TDRD9: variants seen among roughly 807,000 people sequenced by gnomAD.
The protein encoded by TDRD9 is ATP-dependent RNA helicase TDRD9.
A neutral mutation model predicts 172.6 loss-of-function variants in TDRD9; 124 were observed. The observed-to-expected ratio is 0.72, with a 90% CI of 0.62 to 0.83. The LOEUF (loss-of-function observed/expected upper bound fraction) is 0.83, where lower values mean the gene tolerates loss of function less well. Ranked by LOEUF, TDRD9 falls within the 40% of genes least tolerant of loss-of-function variation. The pLI is 0.00. For synonymous variants in TDRD9, 619 were observed against 617.1 expected (o/e 1.00, Z -0.05); for missense variants, 1,479 against 1,714.1 (o/e 0.86, Z 2.42).
intron 8 of TDRD9, among the ~76,000 whole-genome samples, chr14:103,989,962 T>G (rs184036038): frequency 8.7e-4 from 132 of 152,374 alleles, no homozygotes; most frequent in African/African-American, 3.0e-3. Flanking sequence ...ATTATCAGTC[T>G]TGCCATTTCC....
chr14:103,958,717 A>G (rs898557043), intron 2 of TDRD9, among the ~76,000 whole-genome samples: 9 of 152,244 alleles, frequency 5.9e-5, no homozygotes, highest in Non-Finnish European at 1.3e-4. Context: ...TCTTCTTTAC[A>G]GAGCCTCCGG....
chr14:103,994,640 G>C (rs1566767511), intron 11 of TDRD9, 37 bp downstream of exon 11: 5 of 1,567,540 alleles, frequency 3.2e-6, no homozygotes, highest in Non-Finnish European at 4.4e-6. Context: ...AAGCACTTTA[G>C]GTAAATTTTC....
intron 1 of TDRD9, chr14:103,940,739 A>C (rs1021222104): frequency 9.2e-7 from 1 of 1,090,808 alleles, no homozygotes; most frequent in Admixed American, 2.4e-5. Context: ...AAGTCACATC[A>C]CTTTTTCTTA....
At chr14:104,037,691 C>T (rs111561738) in intron 32 of TDRD9, among the ~76,000 whole-genome samples, 9 of 152,176 alleles carry the variant, frequency 5.9e-5, no homozygotes, top group African/African-American at 1.9e-4. Flanking sequence ...GACCTAGCTG[C>T]CATTTGTCTC....
chr14:103,963,219 A>T (rs1342345966), intron 3 of TDRD9, 43 bp downstream of exon 3: 2 of 1,354,070 alleles, frequency 1.5e-6, no homozygotes, highest in Non-Finnish European at 2.0e-6. Flanking sequence ...GTTTGAATAC[A>T]TGTCTGAGGC....
intron 5 of TDRD9, among the ~76,000 whole-genome samples, chr14:103,969,340 G>A (rs988487070): frequency 1.3e-5 from 2 of 152,006 alleles, no homozygotes; most frequent in African/African-American, 4.8e-5. Context: ...AAGATGATGG[G>A]TGTGTGAACT....
At chr14:103,970,343 A>G (rs944796055) in intron 5 of TDRD9, among the ~76,000 whole-genome samples, 198 bp from the exon 6 acceptor site, 1 of 152,112 alleles carries the variant, frequency 6.6e-6, no homozygotes, top group Non-Finnish European at 1.5e-5. Context: ...GGGGGCCGTG[A>G]CTGAGTGGGT....
chr14:104,010,297 C>T (rs2034574021), intron 20 of TDRD9, among the ~76,000 whole-genome samples: 1 of 151,834 alleles, frequency 6.6e-6, no homozygotes, highest in Non-Finnish European at 1.5e-5. Flanking sequence ...CACTTTGTAG[C>T]CCAGACTGGT....
intron 1 of TDRD9, among the ~76,000 whole-genome samples, chr14:103,950,355 G>T (rs1011147679): frequency 4.6e-5 from 7 of 152,140 alleles, no homozygotes; most frequent in African/African-American, 9.7e-5. Context: ...CTCCCAAAGT[G>T]CTGGGATTAC....
intron 24 of TDRD9, among the ~76,000 whole-genome samples, chr14:104,024,155 C>T (rs995024142): frequency 6.6e-6 from 1 of 151,982 alleles, no homozygotes; most frequent in Non-Finnish European, 1.5e-5. Context: ...TTGAGCCAAG[C>T]GTGGATTCTT....
Position 104,026,724 on chromosome 14 carries a change from C to T in TDRD9, c.3067C>T (p.Leu1023Phe). 6.2e-7 allele frequency: 1 copy of T among 1,613,996 alleles called. No homozygotes were observed. Among genetic ancestry groups the T allele is most frequent in the South Asian group, 1.1e-5 (1 of 91,070 alleles). The change falls in exon 28 of 36, where the codon CTT (leucine) becomes TTT (phenylalanine). Residue 1023 changes from leucine (L) to phenylalanine (F), a missense_variant. Transcript: ENST00000409874. ...CAAAATGAGACCATCAGCAAAGTCT[C>T]TTGTTTGTGGCAAGCACTGGAGTGA... ...ICKMRPSAKS[L>F]VCGKHWSDGA... is the part of the protein sequence containing the mutation.
intron 23 of TDRD9, among the ~76,000 whole-genome samples, chr14:104,019,188 T>C (rs4906404): frequency 0.94 from 143,768 of 152,266 alleles, 68,419 homozygotes; most frequent in East Asian, 1. Flanking sequence ...AGTGTGCGTC[T>C]GCTTACCTGG....
In TDRD9 at chr14:103,928,513, C is replaced by G. The variant is rs9324066; in HGVS notation, c.4C>G (p.Leu2Val). 9.1e-6 allele frequency: 13 copies of G among 1,425,958 alleles called. No individual in the cohort carries two copies. Among genetic ancestry groups the G allele is most frequent in the Non-Finnish European group, 1.1e-5 (12 of 1,079,280 alleles). The allele number at this position is 1,425,958 out of a possible 1,614,324, so 88.3% of individuals were successfully genotyped here. Residue 2 changes from leucine (L) to valine (V), a missense_variant, in exon 1 of 36, where the codon CTG becomes GTG. This residue lies in a region of TDRD9 where 63 missense variants were observed against 48.4 expected (regional missense o/e 1.30). Transcript: ENST00000409874. M[L>V]RKLTIEQIND... is the part of the protein sequence containing the mutation. ...TGCCGACGCCTGGGCCTTGAGGATGCTGCGGAAGCTCACCATCGAGCAGAT... is the reference window on the plus strand; with the variant it reads ...TGCCGACGCCTGGGCCTTGAGGATGGTGCGGAAGCTCACCATCGAGCAGAT...
intron 8 of TDRD9, among the ~76,000 whole-genome samples, chr14:103,989,991 C>T (rs1047913933): frequency 2.0e-5 from 3 of 152,244 alleles, no homozygotes; most frequent in African/African-American, 7.2e-5. Flanking sequence ...GACCAGCTGA[C>T]CAAGCTATTA....
At chr14:104,013,107 A>T (rs769112213) in intron 20 of TDRD9, among the ~76,000 whole-genome samples, 1 of 151,986 alleles carries the variant, frequency 6.6e-6, no homozygotes, top group Non-Finnish European at 1.5e-5. Flanking sequence ...CTCCACAGAG[A>T]TAGTGGCTGC....
At position 103,963,184 on chromosome 14, in the gene TDRD9, T is replaced by A; in HGVS notation, c.420+8T>A. On this transcript the variant is annotated splice_region_variant and intron_variant, in intron 3 of 35. Transcript: ENST00000409874. ...AGTCGATACAAGGAAGAGGTAAAAT[T>A]GTTTTGTTATACTGTAATTTTGCTG... 2.0e-6 allele frequency: 3 copies of A among 1,533,636 alleles called. No homozygotes were observed. The highest frequency in any genetic ancestry group is 2.6e-6 in the Non-Finnish European group (3 of 1,134,748).
intron 5 of TDRD9, among the ~76,000 whole-genome samples, chr14:103,968,886 G>A (rs1273624196): frequency 6.8e-6 from 1 of 147,944 alleles, no homozygotes; most frequent in Non-Finnish European, 1.5e-5. Context: ...GGATCACCAG[G>A]TCAGGAGATT....
At chr14:104,003,355 G>A (rs11623115) in intron 13 of TDRD9, among the ~76,000 whole-genome samples, 2,391 of 152,282 alleles carry the variant, frequency 0.016, 27 homozygotes, top group Middle Eastern at 0.031. Context: ...AAGACAAAGG[G>A]TAGATTTAGA....
intron 1 of TDRD9, chr14:103,941,391 T>C: frequency 6.5e-7 from 1 of 1,529,702 alleles, no homozygotes; most frequent in Non-Finnish European, 8.7e-7. Context: ...AACATAGTAT[T>C]TTTACCTGCT....
Sources: allele counts gnomAD v4.1 joint callset (sites outside exome capture counted in the v4.1 genomes callset), GRCh38; gene constraint gnomAD v4.1.1; regional missense constraint gnomAD v4.1.1; transcripts MANE v1.5; gene names NCBI Gene and HGNC (gene_info 2026-07-23, HGNC 2026-07-21).